Variants in ADAMTS2 observed in about 807,000 individuals in gnomAD.
The protein encoded by ADAMTS2 is ADAM metallopeptidase with thrombospondin type 1 motif 2, also known as A disintegrin and metalloproteinase with thrombospondin motifs 2.
In ADAMTS2, 50 loss-of-function variants were observed where a neutral mutation model predicts 123.0. The observed-to-expected ratio is 0.41, with a 90% confidence interval of 0.32 to 0.51. The LOEUF is 0.51. Ranked by LOEUF, ADAMTS2 falls within the 20% of genes least tolerant of loss-of-function variation. The pLI, the probability that ADAMTS2 is intolerant of heterozygous loss-of-function variation, is 0.35. For synonymous variants in ADAMTS2, 678 were observed against 695.4 expected (o/e 0.98, Z 0.39); for missense variants, 1,494 against 1,705.2 (o/e 0.88, Z 2.18).
At chr5:179,338,207 G>A (rs1170926336) in intron 2 of ADAMTS2, among the ~76,000 whole-genome samples, 1 of 152,190 alleles carries the variant, frequency 6.6e-6, no homozygotes, top group African/African-American at 2.4e-5. Context: ...ATGAGGGGCT[G>A]GGAGCCGGCT....
Position 179,234,726 on chromosome 5 carries a change from C to A in ADAMTS2, c.689-27011G>T, listed in dbSNP as rs1032313496. 1.3e-5 allele frequency among the ~76,000 whole-genome samples: 2 copies of A among 152,184 alleles called. No homozygotes were observed. The highest frequency in any genetic ancestry group is 2.4e-5 in the African/African-American group (1 of 41,434). On this transcript the variant is annotated intron_variant, in intron 3 of 21. Transcript: ENST00000251582. This position sits in a 1 kb window ranked among gnomAD's most constrained non-coding sequence, Gnocchi z 4.7. ...CCGCATCCTGGCACCTTCCCCATCT[C>A]CCCGTCCATGATGAGCTCAGCCCCT...
At chr5:179,178,464 T>C (rs943872586) in intron 5 of ADAMTS2, among the ~76,000 whole-genome samples, 1 of 152,260 alleles carries the variant, frequency 6.6e-6, no homozygotes, top group Admixed American at 6.5e-5. Flanking sequence ...TGATCATCCC[T>C]GGACCTCCGA....
chr5:179,298,752 G>A (rs1226066131), intron 2 of ADAMTS2, among the ~76,000 whole-genome samples: 2 of 152,098 alleles, frequency 1.3e-5, no homozygotes, highest in Admixed American at 1.3e-4. Flanking sequence ...GGGGTGGGGT[G>A]TCACTGGAAT....
At chr5:179,329,985 G>A (rs1757437634) in intron 2 of ADAMTS2, among the ~76,000 whole-genome samples, 1 of 151,698 alleles carries the variant, frequency 6.6e-6, no homozygotes, top group South Asian at 2.1e-4. Flanking sequence ...AATTAGCCGG[G>A]CGCGGTGGCG....
At chr5:179,322,755 G>A (rs900021175) in intron 2 of ADAMTS2, among the ~76,000 whole-genome samples, 1 of 152,232 alleles carries the variant, frequency 6.6e-6, no homozygotes, top group Non-Finnish European at 1.5e-5. Context: ...ATGTGGCGAT[G>A]CAAACTGGAC....
At chr5:179,134,689 A>C (rs1163071914) in intron 13 of ADAMTS2, among the ~76,000 whole-genome samples, 1 of 152,022 alleles carries the variant, frequency 6.6e-6, no homozygotes, top group African/African-American at 2.4e-5. Context: ...CCGAAGTCAC[A>C]GGAGCAAATG....
chr5:179,122,502 AG>A, intron 20 of ADAMTS2, 141 bp downstream of exon 20: 1 of 1,259,142 alleles, frequency 7.9e-7, no homozygotes. Context: ...CCTGGCCTGC[AG>A]TGCCCCGCTT....
chr5:179,344,243 C>G lies in ADAMTS2; in HGVS notation c.140-82G>C, dbSNP rs1205075862. On this transcript the variant is annotated intron_variant, in intron 1 of 21. Transcript: ENST00000251582. ...GACCCGCCGGCAAGCCACGCCCCCC[C>G]AGACCCCGCCCCACTGCGAAGGGAA... 2.0e-6 allele frequency: 3 copies of G among 1,494,806 alleles called. No individual in the cohort carries two copies. In the Admixed American group the frequency reaches 6.0e-5, roughly 30 times the overall value. The allele number at this position is 1,494,806 out of a possible 1,614,324, so 92.6% of individuals were successfully genotyped here. A position where few individuals can be genotyped will look rare whatever the true frequency, so the allele number is the denominator to read the frequency against.
Position 179,129,805 on chromosome 5 carries a change from A to C in ADAMTS2, c.2457+127T>G. On this transcript the variant is annotated intron_variant, in intron 16 of 21. Coordinates refer to ENST00000251582, the MANE Select transcript of ADAMTS2 (RefSeq NM_014244.5). The surrounding 1 kb of genome is among the most constrained non-coding windows in gnomAD (Gnocchi z 4.1). ...CCAAGTCGGAGCCCCTTGGTGCCAA[A>C]GGCAGGCCAAAGGGGCCACGCAGAG... 2 of 1,302,614 alleles carry C rather than the reference A, an allele frequency of 1.5e-6. No homozygotes were observed. Among genetic ancestry groups the C allele is most frequent in the Non-Finnish European group, 2.1e-6 (2 of 943,122 alleles). The allele number at this position is 1,302,614 out of a possible 1,614,324, so 80.7% of individuals were successfully genotyped here.
At chr5:179,145,345 C>T (rs1763233801) in intron 10 of ADAMTS2, among the ~76,000 whole-genome samples, 1 of 151,440 alleles carries the variant, frequency 6.6e-6, no homozygotes, top group Non-Finnish European at 1.5e-5. Context: ...ATGGAGTTAC[C>T]ATAAAATCCA....
At chr5:179,248,061 T>C (rs538345247) in intron 3 of ADAMTS2, among the ~76,000 whole-genome samples, 59 of 152,292 alleles carry the variant, frequency 3.9e-4, no homozygotes, top group South Asian at 1.0e-3. Flanking sequence ...GACACACATG[T>C]ATGAAATGTA....
At chr5:179,167,812 G>A (rs778928424) in intron 5 of ADAMTS2, among the ~76,000 whole-genome samples, 3 of 152,250 alleles carry the variant, frequency 2.0e-5, no homozygotes, top group Non-Finnish European at 2.9e-5. Flanking sequence ...GAGCTGGGGG[G>A]CTTCCGCCCA....
intron 4 of ADAMTS2, among the ~76,000 whole-genome samples, chr5:179,187,092 T>C (rs1764189408): frequency 6.6e-6 from 1 of 152,010 alleles, no homozygotes; most frequent in African/African-American, 2.4e-5. Flanking sequence ...CCGGCTGCCC[T>C]CTCCTGCTGC....
rs1322759981 is a variant in ADAMTS2, at chr5:179,133,904, G to A, written c.2086-1004C>T. Among the ~76,000 whole-genome samples, 7 of 151,240 alleles carry A rather than the reference G, an allele frequency of 4.6e-5. No homozygotes were observed. In the East Asian group the frequency reaches 1.4e-3, roughly 30 times the overall value. ...TTTTTGTATTTTTAGTAGAGACGGG[G>A]TTTCACCATGTTGGTCAGGCTAGTC... is the stretch of plus-strand genomic sequence containing the variant. On this transcript the variant is annotated intron_variant, in intron 13 of 21. Coordinates refer to ENST00000251582, the MANE Select transcript of ADAMTS2 (RefSeq NM_014244.5).
Position 179,261,999 on chromosome 5 carries a change from T to C in ADAMTS2, c.688+10912A>G, listed in dbSNP as rs576338441. On this transcript the variant is annotated intron_variant, in intron 3 of 21. Transcript: ENST00000251582. ...GGGCCTGGCTGCCTGTGGGGCTGCA[T>C]TGGGGGCTCCTGCCCCCGCCCCGTG... 3.7e-4 allele frequency among the ~76,000 whole-genome samples: 57 copies of C among 152,286 alleles called. No homozygotes were observed. In the South Asian group the frequency reaches 6.0e-3, roughly 16 times the overall value.
chr5:179,326,867 G>C (rs1452952727), intron 2 of ADAMTS2, among the ~76,000 whole-genome samples: 1 of 151,924 alleles, frequency 6.6e-6, no homozygotes, highest in Non-Finnish European at 1.5e-5. Context: ...ATGGGAAGGA[G>C]AGGGAGAGGG....
intron 2 of ADAMTS2, among the ~76,000 whole-genome samples, chr5:179,329,855 G>C (rs919548169): frequency 1.3e-5 from 2 of 152,156 alleles, no homozygotes; most frequent in Non-Finnish European, 2.9e-5. Flanking sequence ...GGCCGGGCGT[G>C]GTGGCTCACG....
intron 3 of ADAMTS2, among the ~76,000 whole-genome samples, chr5:179,208,604 C>T (rs553623408): frequency 5.9e-5 from 9 of 152,138 alleles, no homozygotes; most frequent in African/African-American, 2.4e-5. Flanking sequence ...CTGTGTCCTG[C>T]GGGCCTGGAG....
rs1408527071 is a variant in ADAMTS2, at chr5:179,317,333, C to G, written c.534+26434G>C. ...TAGCAGAGTCGCTGATATGGTAACA[C>G]AATATCACACATCTCATCCAAGCCT... On this transcript the variant is annotated intron_variant, in intron 2 of 21. Coordinates refer to ENST00000251582, the MANE Select transcript of ADAMTS2 (RefSeq NM_014244.5). The surrounding 1 kb of genome is among the most constrained non-coding windows in gnomAD (Gnocchi z 4.9). Among the ~76,000 whole-genome samples the G allele has an allele frequency of 6.6e-6, 1 of 152,210 alleles. No homozygotes were observed. Among genetic ancestry groups the G allele is most frequent in the East Asian group, 1.9e-4 (1 of 5,198 alleles).
Sources: allele counts gnomAD v4.1 joint callset (sites outside exome capture counted in the v4.1 genomes callset), GRCh38; gene constraint gnomAD v4.1.1; non-coding constraint Gnocchi (gnomAD v3.1); transcripts MANE v1.5; gene names NCBI Gene and HGNC (gene_info 2026-07-23, HGNC 2026-07-21).